The following KLHL32 variants were observed in gnomAD, a reference collection of about 807,000 sequenced individuals.
KLHL32 encodes kelch-like protein 32.
In KLHL32, 35 loss-of-function variants were observed where a neutral mutation model predicts 64.8. The observed-to-expected ratio is 0.54, with a 90% CI of 0.41 to 0.72. The LOEUF (loss-of-function observed/expected upper bound fraction) is 0.72. KLHL32 is among the 30% of genes least tolerant of loss of function. The probability of loss-of-function intolerance (pLI) is 0.00; values close to 1 mark genes in which losing one functional copy is unlikely to be tolerated. For missense variants in KLHL32, 589 were observed against 768.5 expected, an observed-to-expected ratio of 0.77 and a Z score of 2.76; for synonymous variants, 259 against 281.0, an observed-to-expected ratio of 0.92 and a Z score of 0.78.
intron 3 of KLHL32, among the ~76,000 whole-genome samples, chr6:96,996,948 A>C (rs1326453439): frequency 6.6e-6 from 1 of 152,150 alleles, no homozygotes; most frequent in East Asian, 1.9e-4. Flanking sequence ...AGCAAGGAGC[A>C]GATGGCTGGA....
rs771899761 is a variant in KLHL32 at position 97,128,961 on chromosome 6, G to A, written c.1413+1499G>A. Among the ~76,000 whole-genome samples the A allele has an allele frequency of 2.6e-5, 4 of 152,148 alleles. No individual in the cohort carries two copies. The East Asian group carries it at 5.8e-4, about 22-fold the overall frequency. On this transcript the variant is annotated intron_variant, in intron 8 of 10. Transcript: ENST00000369261. ...TTCATAGAAAACACCTAAGAAAAGC[G>A]TCCTCAGAGTTTTGAGTTAAATACA...
intron 1 of KLHL32, among the ~76,000 whole-genome samples, chr6:96,948,783 G>A (rs1025525499): frequency 6.6e-6 from 1 of 151,934 alleles, no homozygotes; most frequent in Non-Finnish European, 1.5e-5. Flanking sequence ...CCTCCCCAAT[G>A]CAATTCTCTC....
At chr6:96,964,631 C>A (rs1366937545) in intron 1 of KLHL32, among the ~76,000 whole-genome samples, 1 of 152,018 alleles carries the variant, frequency 6.6e-6, no homozygotes, top group African/African-American at 2.4e-5. Context: ...CCAGCCTGGG[C>A]GACAGAGCGA....
intron 6 of KLHL32, among the ~76,000 whole-genome samples, chr6:97,110,049 T>C (rs1310717851): frequency 6.6e-6 from 1 of 152,142 alleles, no homozygotes; most frequent in African/African-American, 2.4e-5. Context: ...CCAGAAATAA[T>C]TGGAACCCCG....
intron 4 of KLHL32, among the ~76,000 whole-genome samples, chr6:97,045,425 G>A (rs914450156): frequency 2.0e-5 from 3 of 152,116 alleles, no homozygotes; most frequent in African/African-American, 4.8e-5. Flanking sequence ...CATCTCTAGA[G>A]TAAGATTGAA....
intron 1 of KLHL32, among the ~76,000 whole-genome samples, chr6:96,948,207 G>A (rs1474484286): frequency 5.3e-5 from 8 of 152,084 alleles, no homozygotes; most frequent in Non-Finnish European, 8.8e-5. Flanking sequence ...TACAATGAGC[G>A]GTGTGAATTT....
At chr6:97,019,449 A>G (rs1307255320) in intron 3 of KLHL32, among the ~76,000 whole-genome samples, 1 of 152,230 alleles carries the variant, frequency 6.6e-6, no homozygotes, top group Admixed American at 6.5e-5. Flanking sequence ...CAGTGTGATT[A>G]GGACTTATAT....
chr6:97,133,393 G>A (rs1010065160), intron 10 of KLHL32, among the ~76,000 whole-genome samples: 1 of 152,066 alleles, frequency 6.6e-6, no homozygotes, highest in Non-Finnish European at 1.5e-5. Flanking sequence ...TCTTTTACAT[G>A]TTCTCTGATA....
chr6:97,030,962 C>T (rs1047048374), intron 3 of KLHL32, among the ~76,000 whole-genome samples: 9 of 152,146 alleles, frequency 5.9e-5, no homozygotes, highest in African/African-American at 2.2e-4. Flanking sequence ...TCTGGGAGCA[C>T]CACAGTGAGA....
chr6:97,096,690 G>C (rs757605886), intron 6 of KLHL32, among the ~76,000 whole-genome samples: 142 of 152,354 alleles, frequency 9.3e-4, no homozygotes, highest in Non-Finnish European at 1.5e-3. Context: ...TCCCACCATA[G>C]CATCAAGTTC....
intron 3 of KLHL32, among the ~76,000 whole-genome samples, chr6:97,004,377 A>T (rs1305936302): frequency 6.6e-6 from 1 of 152,152 alleles, no homozygotes. Flanking sequence ...ACTTTTGGGC[A>T]GAGGCTATGT....
At chr6:96,979,944 T>C (rs1161903509) in intron 3 of KLHL32, among the ~76,000 whole-genome samples, 1 of 152,220 alleles carries the variant, frequency 6.6e-6, no homozygotes, top group Non-Finnish European at 1.5e-5. Context: ...ATTGCAATCT[T>C]GATTTGGCTC....
At chr6:96,986,635 A>T (rs893821438) in intron 3 of KLHL32, among the ~76,000 whole-genome samples, 1 of 152,194 alleles carries the variant, frequency 6.6e-6, no homozygotes, top group African/African-American at 2.4e-5. Context: ...TGTGCTAGCA[A>T]TGAGCGAGGC....
At chr6:97,133,121 A>G (rs1799621007) in intron 10 of KLHL32, among the ~76,000 whole-genome samples, 1 of 152,182 alleles carries the variant, frequency 6.6e-6, no homozygotes, top group African/African-American at 2.4e-5. Flanking sequence ...CTTATTTTCT[A>G]TATTACAGTT....
chr6:97,108,190 C>A (rs1464129420), intron 6 of KLHL32, among the ~76,000 whole-genome samples: 4 of 152,136 alleles, frequency 2.6e-5, no homozygotes, highest in Non-Finnish European at 5.9e-5. Flanking sequence ...GGCTTGGCCA[C>A]CAAAAATGCT....
intron 6 of KLHL32, among the ~76,000 whole-genome samples, chr6:97,089,705 G>A (rs189460088): frequency 1.3e-5 from 2 of 151,338 alleles, no homozygotes; most frequent in African/African-American, 2.4e-5. Flanking sequence ...CAGTTGAAGC[G>A]AGAGGCAGAG....
chr6:97,057,177 T>TGTATGC (rs1456006541), intron 4 of KLHL32, among the ~76,000 whole-genome samples: 2 of 92,792 alleles, frequency 2.2e-5, no homozygotes, highest in African/African-American at 1.2e-4. Flanking sequence ...AGTATCTTTT[T>TGTATGC]TTTTTTTTTT....
chr6:97,030,879 C>A (rs1401869440), intron 3 of KLHL32, among the ~76,000 whole-genome samples: 1 of 152,174 alleles, frequency 6.6e-6, no homozygotes, highest in African/African-American at 2.4e-5. Flanking sequence ...ACATCATCTG[C>A]AGATGAGTTT....
chr6:97,114,584 A>G (rs1225560905), intron 7 of KLHL32, 75 bp downstream of exon 7: 3 of 1,549,062 alleles, frequency 1.9e-6, no homozygotes, highest in Non-Finnish European at 2.6e-6. Flanking sequence ...AAGCTTTAAT[A>G]CTGTGGCCAT....
Sources: gnomAD v4.1 joint callset for allele counts (sites outside exome capture counted in the v4.1 genomes callset) on GRCh38, gnomAD v4.1.1 for gene constraint, MANE v1.5 for transcripts, NCBI Gene and HGNC (gene_info 2026-07-23, HGNC 2026-07-21) for gene names.